TLR10: variants seen among roughly 807,000 people sequenced by gnomAD.
TLR10 encodes toll like receptor 10.
For synonymous variants in TLR10, 288 were observed against 338.8 expected (o/e 0.85, Z 1.65); for missense variants, 929 against 932.9 (o/e 1.00, Z 0.05).
At position 38,773,606 on chromosome 4, in the gene TLR10, G is replaced by A. The variant is rs756284457; in HGVS notation, c.1985C>T (p.Ser662Phe). 60 of 1,601,508 alleles carry A rather than the reference G, an allele frequency of 3.7e-5. No individual in the cohort carries two copies. In the South Asian group the frequency reaches 6.8e-4, roughly 18 times the overall value. Residue 662 changes from serine (S) to phenylalanine (F), a missense_variant, in exon 4 of 4, where the codon TCT becomes TTT. Transcript: ENST00000308973. ...LIPNLEKEDGSILICLYESYF... is the reference protein window; with the variant it reads ...LIPNLEKEDGFILICLYESYF... ...GCTTTCATAAAGGCAAATCAAGATA[G>A]AACCATCTTCCTTCTCTAGATTGGG...
Position 38,775,899 on chromosome 4 carries a change from T to A in TLR10, c.-187A>T, listed in dbSNP as rs9998678. ...TCAGAGAGGAGAAGCATAATGGACC[T>A]TTGGTTTAAGAACTGCATTGTCAGG... On this transcript the variant is annotated 5_prime_UTR_variant, in exon 3 of 4. It adds an upstream start codon to the 5' untranslated region. Transcript: ENST00000308973. 18,564 of 225,868 alleles carry A rather than the reference T, an allele frequency of 0.082. 1,365 individuals are homozygous for A. Among genetic ancestry groups the A allele is most frequent in the African/African-American group, 0.2 (8,693 of 43,792 alleles). The allele number at this position is 225,868 out of a possible 1,614,324, so 14.0% of individuals were successfully genotyped here. A position where few individuals can be genotyped will look rare whatever the true frequency, so the allele number is the denominator to read the frequency against.
At chr4:38,778,850 T>C (rs11466617) in intron 1 of TLR10, 20,927 of 152,244 alleles carry the variant, frequency 0.14, 1,963 homozygotes, top group East Asian at 0.33. Context: ...CCCATCATTC[T>C]GAAAGCCTGG....
intron 1 of TLR10, among the ~76,000 whole-genome samples, chr4:38,781,367 C>T (rs1725400565): frequency 6.6e-6 from 1 of 151,200 alleles, no homozygotes; most frequent in African/African-American, 2.4e-5. Context: ...TGGAGTCTCG[C>T]TCTGTTGCCC....
In TLR10 at chr4:38,773,571, G is replaced by A. The variant is rs1724788830; in HGVS notation, c.2020C>T (p.Pro674Ser). Residue 674 changes from proline (P) to serine (S), a missense_variant, in exon 4 of 4, where the codon CCT (proline) becomes TCT (serine). Transcript: ENST00000308973. ...ATATTTTCACTAATGCTTTTGCCAG[G>A]GTCAAAGTAGCTTTCATAAAGGCAA... ...LICLYESYFDPGKSISENIVS... is the reference protein window; with the variant it reads ...LICLYESYFDSGKSISENIVS... The A allele has an allele frequency of 6.2e-7, 1 of 1,605,998 alleles. No homozygotes were observed.
At position 38,774,486 on chromosome 4, in the gene TLR10, T is replaced by C. The variant is rs11096955; in HGVS notation, c.1105A>G (p.Ile369Val). ...AGAGTTTTCAAGTGAGGCAGTTGGA[T>C]AGTTCTTTTAAACAACTCGTCTGTT... ...ILTDELFKRT[I>V]QLPHLKTLIL... The change falls in exon 4 of 4, where the codon ATC (isoleucine) becomes GTC (valine). Residue 369 changes from isoleucine to valine, a missense_variant. Ile to Val is a conservative substitution (Grantham distance 29). Coordinates refer to ENST00000308973, the MANE Select transcript of TLR10 (RefSeq NM_030956.4). 1 of 1,597,302 alleles carries C rather than the reference T, an allele frequency of 6.3e-7. No homozygotes were observed. The highest frequency in any genetic ancestry group is 8.5e-7 in the Non-Finnish European group (1 of 1,174,836).
chr4:38,773,624 AG>A lies in TLR10; in HGVS notation c.1966del (p.Leu656Ter), dbSNP rs1294587248. 6.2e-7 allele frequency: 1 copy of A among 1,602,484 alleles called. No individual in the cohort carries two copies. The highest frequency in any genetic ancestry group is 8.5e-7 in the Non-Finnish European group (1 of 1,174,584). ...LWVKNELIPN[L>X]EKEDGSILIC... ...CAAGATAGAACCATCTTCCTTCTCTAGATTGGGGATCAATTCATTCTTCACC... is the reference window on the plus strand; with the variant it reads ...CAAGATAGAACCATCTTCCTTCTCTAATTGGGGATCAATTCATTCTTCACC... On this transcript the variant is annotated frameshift_variant, in exon 4 of 4. Coordinates refer to ENST00000308973, the MANE Select transcript of TLR10 (RefSeq NM_030956.4). LOFTEE classifies it low-confidence loss of function (END_TRUNC).
chr4:38,778,378 C>T (rs569657562), intron 1 of TLR10, among the ~76,000 whole-genome samples: 1 of 152,118 alleles, frequency 6.6e-6, no homozygotes, highest in South Asian at 2.1e-4. Context: ...ATGTGTATAC[C>T]TATGTAACAA....
Position 38,773,954 on chromosome 4 carries a change from C to A in TLR10, c.1637G>T (p.Gly546Val). ...TTCACAGGTGTATGAATCTGACCAT[C>A]CAACCATCATGACCTCTGAATATGT... ...LETYSEVMMV[G>V]WSDSYTCEYP... Residue 546 changes from glycine (G) to valine (V), a missense_variant, in exon 4 of 4, where the codon GGA becomes GTA. Physicochemically the swap from Gly to Val is moderately radical, Grantham distance 109. Transcript: ENST00000308973. The A allele has an allele frequency of 6.3e-7, 1 of 1,580,788 alleles. No individual in the cohort carries two copies. The highest frequency in any genetic ancestry group is 1.4e-5 in the African/African-American group (1 of 73,936).
intron 1 of TLR10, among the ~76,000 whole-genome samples, chr4:38,778,350 G>A (rs1206285564): frequency 6.6e-6 from 1 of 152,100 alleles, no homozygotes; most frequent in African/African-American, 2.4e-5. Context: ...GCTGATGGGT[G>A]CAGCAAACCA....
chr4:38,774,516 T>A lies in TLR10; in HGVS notation c.1075A>T (p.Ile359Phe). Residue 359 changes from isoleucine to phenylalanine, a missense_variant, in exon 4 of 4, where the codon ATC (isoleucine) becomes TTC (phenylalanine). Coordinates refer to ENST00000308973, the MANE Select transcript of TLR10 (RefSeq NM_030956.4). ...CTTTTAAACAACTCGTCTGTTAAGA[T>A]ATTATTGGCAAAATTTAAATATTGG... ...KFQYLNFANN[I>F]LTDELFKRTI... 6.3e-7 allele frequency: 1 copy of A among 1,584,834 alleles called. No homozygotes were observed. The highest frequency in any genetic ancestry group is 8.6e-7 in the Non-Finnish European group (1 of 1,169,494).
chr4:38,779,076 G>A (rs1464984795), intron 1 of TLR10: 2 of 152,134 alleles, frequency 1.3e-5, no homozygotes, highest in Non-Finnish European at 2.9e-5. Flanking sequence ...GAGTGAGAGG[G>A]CCACTCCCAA....
rs1010923773 is a variant in TLR10 at position 38,772,905 on chromosome 4, G to C, written c.*250C>G. 1 of 258,294 alleles carries C rather than the reference G, an allele frequency of 3.9e-6. No homozygotes were observed. The highest frequency in any genetic ancestry group is 7.1e-6 in the Non-Finnish European group (1 of 140,906). The allele number at this position is 258,294 out of a possible 1,614,324, so 16.0% of individuals were successfully genotyped here. A position where few individuals can be genotyped will look rare whatever the true frequency, so the allele number is the denominator to read the frequency against. On this transcript the variant is annotated 3_prime_UTR_variant, in exon 4 of 4. Coordinates refer to ENST00000308973, the MANE Select transcript of TLR10 (RefSeq NM_030956.4). ...CATAGTGCTGGGATTACAAGAGTGA[G>C]CCACTGCACCTGGCCACATTTTTCA...
chr4:38,775,246 T>C lies in TLR10; in HGVS notation c.345A>G (p.Leu115=), dbSNP rs1425303626. 3.7e-6 allele frequency: 6 copies of C among 1,613,366 alleles called. No individual in the cohort carries two copies. The African/African-American group carries it at 6.7e-5, about 18-fold the overall frequency. Residue 115 remains leucine (L), a synonymous_variant, in exon 4 of 4, where the codon TTA becomes TTG. Transcript: ENST00000308973. The part of the protein sequence containing the change: ...NNRLKSVTWY[L]LAGLRYLDLS... ...GATCTAAATACCTGAGACCTGCCAGTAAATACCAAGTTACACTCTTCAGTC... is the reference window on the plus strand; with the variant it reads ...GATCTAAATACCTGAGACCTGCCAGCAAATACCAAGTTACACTCTTCAGTC...
Position 38,774,861 on chromosome 4 carries a change from T to C in TLR10, c.730A>G (p.Thr244Ala), listed in dbSNP as rs199811453. Reference sequence around the variant, plus strand: ...ACTTTATTAAGCAATAGAACCGATGTCTTAGCATTTTCTAAACTAAGATTT... The same window carrying C: ...ACTTTATTAAGCAATAGAACCGATGCCTTAGCATTTTCTAAACTAAGATTT... ...QRNLSLENAK[T>A]SVLLLNKVDL... Residue 244 changes from threonine (T) to alanine (A), a missense_variant, in exon 4 of 4, where the codon ACA (threonine) becomes GCA (alanine). Thr to Ala is a moderately conservative substitution (Grantham distance 58, BLOSUM62 0). Coordinates refer to ENST00000308973, the MANE Select transcript of TLR10 (RefSeq NM_030956.4). 1 of 1,605,146 alleles carries C rather than the reference T, an allele frequency of 6.2e-7. No homozygotes were observed. Among genetic ancestry groups the C allele is most frequent in the Non-Finnish European group, 8.5e-7 (1 of 1,176,142 alleles).
In TLR10 at chr4:38,782,954, G is replaced by T. The variant is rs1169196351; in HGVS notation, c.-602C>A. 1 of 152,178 alleles carries T rather than the reference G, an allele frequency of 6.6e-6. No homozygotes were observed. The allele number at this position is 152,178 out of a possible 1,614,324, so 9.4% of individuals were successfully genotyped here. A position where few individuals can be genotyped will look rare whatever the true frequency, so the allele number is the denominator to read the frequency against. On this transcript the variant is annotated 5_prime_UTR_variant, in exon 1 of 4. Coordinates refer to ENST00000308973, the MANE Select transcript of TLR10 (RefSeq NM_030956.4). ...TTGCACTCTCTCAGCAGAGCTGCAGGTGCGTGGATGATTCGTTGACACGGT... is the reference window on the plus strand; with the variant it reads ...TTGCACTCTCTCAGCAGAGCTGCAGTTGCGTGGATGATTCGTTGACACGGT...
In TLR10 at chr4:38,774,798, A is replaced by G; in HGVS notation, c.793T>C (p.Phe265Leu). The change falls in exon 4 of 4, where the codon TTT becomes CTT. Residue 265 changes from phenylalanine to leucine, a missense_variant. Physicochemically the swap from Phe to Leu is conservative, Grantham distance 22. Coordinates refer to ENST00000308973, the MANE Select transcript of TLR10 (RefSeq NM_030956.4). ...LWDDLFLILQ[F>L]VWHTSVEHFQ... is the part of the protein sequence containing the mutation. Reference sequence around the variant, plus strand: ...TGTTCCACTGATGTATGCCAAACAAATTGTAAGATAAGGAAAAGGTCGTCC... The same window carrying G: ...TGTTCCACTGATGTATGCCAAACAAGTTGTAAGATAAGGAAAAGGTCGTCC... The G allele has an allele frequency of 2.5e-6, 4 of 1,598,712 alleles. No individual in the cohort carries two copies. In the South Asian group the frequency reaches 3.4e-5, roughly 14 times the overall value.
In TLR10 at chr4:38,775,218, A is replaced by G. The variant is rs1724976191; in HGVS notation, c.373T>C (p.Ser125Pro). ...GGCATGGTGTCAAAGTCATTAAAAG[A>G]AAGATCTAAATACCTGAGACCTGCC... The part of the protein sequence containing the change: ...LLAGLRYLDL[S>P]FNDFDTMPIC... The change falls in exon 4 of 4, where the codon TCT becomes CCT. Residue 125 changes from serine to proline, a missense_variant. By Grantham distance (74) the Ser-to-Pro change is moderately conservative (BLOSUM62 -1). Transcript: ENST00000308973. 2 of 1,612,784 alleles carry G rather than the reference A, an allele frequency of 1.2e-6. No individual in the cohort carries two copies. Among genetic ancestry groups the G allele is most frequent in the Non-Finnish European group, 1.7e-6 (2 of 1,179,624 alleles).
rs565483465 is a variant in TLR10, at chr4:38,776,984, A to G, written c.-568-558T>C. On this transcript the variant is annotated intron_variant, in intron 1 of 3. Transcript: ENST00000308973. ...AAAACCACCAGATCTCATGAGACTT[A>G]TTCACTATCATGAGAACAGCATGGG... Among the ~76,000 whole-genome samples the G allele has an allele frequency of 9.2e-5, 14 of 152,282 alleles. No homozygotes were observed. The South Asian group carries it at 2.9e-3, about 32-fold the overall frequency.
chr4:38,774,602 T>TCCA lies in TLR10; in HGVS notation c.988_989insTGG (p.Asn330delinsMetAsp), dbSNP rs1320516691. 2 of 1,593,648 alleles carry TCCA rather than the reference T, an allele frequency of 1.3e-6. No individual in the cohort carries two copies. Among genetic ancestry groups the TCCA allele is most frequent in the Non-Finnish European group, 1.7e-6 (2 of 1,173,240 alleles). On this transcript the variant is annotated protein_altering_variant, in exon 4 of 4. Coordinates refer to ENST00000308973, the MANE Select transcript of TLR10 (RefSeq NM_030956.4). Reference sequence around the variant, plus strand: ...CATTTGTGCATTTGATATTGTCAGGTTTTCTATGTCCATTTTGGTCAAAAG... The same window carrying TCCA: ...CATTTGTGCATTTGATATTGTCAGGTCCATTTCTATGTCCATTTTGGTCAAAAG...
Sources: allele counts gnomAD v4.1 joint callset (sites outside exome capture counted in the v4.1 genomes callset), GRCh38; gene constraint gnomAD v4.1.1; transcripts MANE v1.5; gene names NCBI Gene and HGNC (gene_info 2026-07-23, HGNC 2026-07-21).